TANGO6: variants seen among roughly 807,000 people sequenced by gnomAD.
The protein encoded by TANGO6 is transport and Golgi organization protein 6 homolog.
A neutral mutation model predicts 114.2 loss-of-function variants in TANGO6; 90 were observed. That is an observed-to-expected ratio of 0.79 (90% CI 0.66 to 0.94). The LOEUF (loss-of-function observed/expected upper bound fraction) is 0.94. Among genes scored for constraint, TANGO6 ranks in the 40% least tolerant of loss-of-function variants. The pLI, the probability that TANGO6 is intolerant of heterozygous loss-of-function variation, is 0.00. For missense variants in TANGO6, 1,274 were observed against 1,315.3 expected (o/e 0.97, Z 0.49); for synonymous variants, 477 against 509.8 (o/e 0.94, Z 0.87).
chr16:68,846,401 C>A, intron 1 of TANGO6: 1 of 219,546 alleles, frequency 4.6e-6, no homozygotes, highest in Non-Finnish European at 9.4e-6. Flanking sequence ...GACTGAAGTA[C>A]ATGAAGAAAA....
intron 15 of TANGO6, among the ~76,000 whole-genome samples, chr16:69,005,238 C>T (rs1320405089): frequency 7.2e-5 from 11 of 151,958 alleles, no homozygotes; most frequent in African/African-American, 2.2e-4. Context: ...AAACTACAAA[C>T]GTGACAAAGA....
At chr16:69,037,330 A>G (rs1005381797) in intron 16 of TANGO6, among the ~76,000 whole-genome samples, 3 of 152,176 alleles carry the variant, frequency 2.0e-5, no homozygotes, top group Non-Finnish European at 4.4e-5. Flanking sequence ...ACAAAGGCAG[A>G]CACCAACATG....
chr16:68,924,620 T>A (rs140424107), intron 12 of TANGO6, among the ~76,000 whole-genome samples: 4,431 of 151,464 alleles, frequency 0.029, 231 homozygotes, highest in African/African-American at 0.1. Flanking sequence ...AAACCCCATC[T>A]CTACTAAAAA....
chr16:69,048,438 C>T (rs758960890), intron 17 of TANGO6, among the ~76,000 whole-genome samples: 5 of 151,782 alleles, frequency 3.3e-5, no homozygotes, highest in Non-Finnish European at 7.4e-5. Context: ...ATGTCTTGTT[C>T]TGTTGCCCAG....
chr16:68,855,691 TG>T (rs1310621375), intron 1 of TANGO6, among the ~76,000 whole-genome samples: 1 of 152,148 alleles, frequency 6.6e-6, no homozygotes, highest in East Asian at 1.9e-4. Context: ...GAGACCAGCC[TG>T]GCCAACATGG....
chr16:68,970,857 A>T (rs540991727), intron 14 of TANGO6, among the ~76,000 whole-genome samples: 1 of 152,000 alleles, frequency 6.6e-6, no homozygotes, highest in Non-Finnish European at 1.5e-5. Context: ...AGAACTTCTG[A>T]TTTTAGAAAG....
At chr16:69,021,782 G>A (rs1374065096) in intron 15 of TANGO6, among the ~76,000 whole-genome samples, 2 of 151,870 alleles carry the variant, frequency 1.3e-5, no homozygotes, top group Non-Finnish European at 2.9e-5. Flanking sequence ...CTTTTTGTTT[G>A]TGTGACCATG....
intron 1 of TANGO6, chr16:68,846,510 T>C (rs930777079): frequency 1.7e-5 from 6 of 359,934 alleles, no homozygotes; most frequent in Non-Finnish European, 2.7e-5. Context: ...TTCTTTTTTT[T>C]TTTTAGACGG....
intron 7 of TANGO6, among the ~76,000 whole-genome samples, chr16:68,885,092 AC>A (rs1210219005): frequency 6.6e-6 from 1 of 152,202 alleles, no homozygotes; most frequent in Non-Finnish European, 1.5e-5. Flanking sequence ...GTGTCTATTA[AC>A]TTTCTGCTAA....
intron 16 of TANGO6, among the ~76,000 whole-genome samples, chr16:69,024,953 G>A (rs1336504269): frequency 2.0e-5 from 3 of 152,148 alleles, no homozygotes; most frequent in East Asian, 1.9e-4. Context: ...GATTACAGGC[G>A]TGTGCCACCA....
At chr16:68,927,153 T>C (rs1963177687) in intron 12 of TANGO6, among the ~76,000 whole-genome samples, 1 of 152,208 alleles carries the variant, frequency 6.6e-6, no homozygotes, top group South Asian at 2.1e-4. Flanking sequence ...AGAACAGCCT[T>C]ATCTTTTCAA....
intron 1 of TANGO6, among the ~76,000 whole-genome samples, chr16:68,858,356 G>A (rs74622864): frequency 0.11 from 16,674 of 152,126 alleles, 929 homozygotes; most frequent in Non-Finnish European, 0.13. Context: ...GAGCCACCGC[G>A]CCCAGCGGAA....
At chr16:68,986,103 C>T (rs967083480) in intron 15 of TANGO6, among the ~76,000 whole-genome samples, 6 of 152,254 alleles carry the variant, frequency 3.9e-5, no homozygotes, top group Admixed American at 3.9e-4. Flanking sequence ...AAGAACAGTA[C>T]TTCTTAATTA....
rs1005512438 is a variant in TANGO6, at chr16:69,057,341, T to C, written c.3108+16920T>C. Among the ~76,000 whole-genome samples, 26 of 152,246 alleles carry C rather than the reference T, an allele frequency of 1.7e-4. 1 individual carries two copies. The highest frequency in any genetic ancestry group is 6.0e-4 in the African/African-American group (25 of 41,546). ...ATGACAGCACTTATATCTGTGTGCT[T>C]TACATTAATTAATTCACCAGATCCT... On this transcript the variant is annotated intron_variant, in intron 17 of 17. Transcript: ENST00000261778.
intron 14 of TANGO6, among the ~76,000 whole-genome samples, chr16:68,960,043 C>T (rs943424070): frequency 1.3e-5 from 2 of 152,134 alleles, no homozygotes; most frequent in African/African-American, 2.4e-5. Context: ...CTTGGATATC[C>T]GAAGCCCCTC....
chr16:69,011,972 C>T (rs1302401297), intron 15 of TANGO6, among the ~76,000 whole-genome samples: 2 of 152,204 alleles, frequency 1.3e-5, no homozygotes, highest in Non-Finnish European at 2.9e-5. Context: ...AGCTCTCTCA[C>T]TTGATTGTTC....
At chr16:68,885,154 G>T (rs1962523267) in intron 7 of TANGO6, among the ~76,000 whole-genome samples, 1 of 152,166 alleles carries the variant, frequency 6.6e-6, no homozygotes, top group Non-Finnish European at 1.5e-5. Context: ...AAAATATCGG[G>T]GATGGGTAAA....
chr16:68,946,648 C>G (rs1393776408), intron 14 of TANGO6, among the ~76,000 whole-genome samples: 1 of 152,086 alleles, frequency 6.6e-6, no homozygotes, highest in African/African-American at 2.4e-5. Flanking sequence ...ACTACAGGTG[C>G]ACACCACCAT....
At chr16:68,891,008 G>C (rs1235297219) in intron 7 of TANGO6, among the ~76,000 whole-genome samples, 2 of 144,670 alleles carry the variant, frequency 1.4e-5, no homozygotes, top group Admixed American at 1.4e-4. Context: ...CGGGGCAACA[G>C]AGTGAGACTC....
Sources: gnomAD v4.1 joint callset for allele counts (sites outside exome capture counted in the v4.1 genomes callset) on GRCh38, gnomAD v4.1.1 for gene constraint, MANE v1.5 for transcripts, NCBI Gene and HGNC (gene_info 2026-07-23, HGNC 2026-07-21) for gene names.